The following RAP1A variants were observed in gnomAD, a reference collection of about 807,000 sequenced individuals.
RAP1A encodes the protein RAP1A, member of RAS oncogene family.
A neutral mutation model predicts 26.4 loss-of-function variants in RAP1A; 6 were observed. The observed-to-expected ratio is 0.23, with a 90% CI of 0.12 to 0.45. The LOEUF is 0.45. RAP1A is among the 20% of genes least tolerant of loss of function. The pLI, the probability that RAP1A is intolerant of heterozygous loss-of-function variation, is 0.99. For missense variants in RAP1A, 121 were observed against 217.2 expected, an observed-to-expected ratio of 0.56 and a Z score of 2.78; for synonymous variants, 73 against 79.4, an observed-to-expected ratio of 0.92 and a Z score of 0.43.
intron 1 of RAP1A, among the ~76,000 whole-genome samples, chr1:111,653,033 TAAAC>T (rs1222278142): frequency 3.3e-5 from 5 of 151,964 alleles, no homozygotes; most frequent in African/African-American, 4.8e-5. Flanking sequence ...AACTGATAAA[TAAAC>T]AAAATGTGAT....
intron 1 of RAP1A, among the ~76,000 whole-genome samples, chr1:111,678,833 G>T (rs1302459456): frequency 3.3e-5 from 5 of 150,874 alleles, no homozygotes; most frequent in African/African-American, 1.2e-4. Flanking sequence ...TAGCATTTTT[G>T]TATATTCCTT....
chr1:111,703,084 T>G (rs1662073187), intron 4 of RAP1A, among the ~76,000 whole-genome samples: 1 of 152,226 alleles, frequency 6.6e-6, no homozygotes, highest in Non-Finnish European at 1.5e-5. Flanking sequence ...AAAGATCTGT[T>G]TCTAAAAAAT....
chr1:111,686,116 G>A (rs1661468016), intron 1 of RAP1A, among the ~76,000 whole-genome samples: 1 of 148,268 alleles, frequency 6.7e-6, no homozygotes, highest in South Asian at 2.2e-4. Context: ...ACACGCCGGG[G>A]CCTGTCGGGG....
chr1:111,662,373 C>T (rs115862665), intron 1 of RAP1A, among the ~76,000 whole-genome samples: 1,255 of 121,380 alleles, frequency 0.01, 15 homozygotes, highest in African/African-American at 0.039. Flanking sequence ...CAGGCTTGGG[C>T]GAAAGAGCGA....
At chr1:111,696,494 C>G (rs1661831158) in intron 3 of RAP1A, among the ~76,000 whole-genome samples, 1 of 152,020 alleles carries the variant, frequency 6.6e-6, no homozygotes, top group Admixed American at 6.6e-5. Flanking sequence ...ACACTTGTCC[C>G]ATAAGTGGTG....
At chr1:111,583,341 A>T (rs1192121572) in intron 1 of RAP1A, among the ~76,000 whole-genome samples, 3 of 151,738 alleles carry the variant, frequency 2.0e-5, no homozygotes, top group Non-Finnish European at 4.4e-5. Context: ...GCAATAGTTC[A>T]CATCAGTAAT....
chr1:111,573,271 G>A (rs1000604978), intron 1 of RAP1A, among the ~76,000 whole-genome samples: 10 of 152,080 alleles, frequency 6.6e-5, no homozygotes, highest in Admixed American at 3.3e-4. Context: ...CTGAGTAATG[G>A]GACAAATGGT....
At chr1:111,687,213 T>C (rs34139427) in intron 1 of RAP1A, among the ~76,000 whole-genome samples, 17,122 of 150,088 alleles carry the variant, frequency 0.11, 1,216 homozygotes, top group East Asian at 0.2. Context: ...GTTGAATTTT[T>C]TTTTTTTTTT....
chr1:111,655,073 A>T (rs1010578864), intron 1 of RAP1A, among the ~76,000 whole-genome samples: 2 of 152,004 alleles, frequency 1.3e-5, no homozygotes, highest in African/African-American at 4.8e-5. Context: ...AAGTAGTTAT[A>T]GCAAAAGAGA....
intron 1 of RAP1A, among the ~76,000 whole-genome samples, chr1:111,566,116 G>A (rs1657912835): frequency 6.6e-6 from 1 of 152,114 alleles, no homozygotes; most frequent in Non-Finnish European, 1.5e-5. Context: ...AAGGGAATTT[G>A]AACTTCATTG....
chr1:111,684,870 G>A (rs555334539), intron 1 of RAP1A, among the ~76,000 whole-genome samples: 3 of 151,984 alleles, frequency 2.0e-5, no homozygotes, highest in Non-Finnish European at 2.9e-5. Context: ...TCACACTACC[G>A]GACTTCAAAC....
intron 1 of RAP1A, among the ~76,000 whole-genome samples, chr1:111,610,139 A>G (rs535444848): frequency 6.6e-6 from 1 of 152,310 alleles, no homozygotes; most frequent in East Asian, 1.9e-4. Context: ...TTAGAAAAAT[A>G]CTATATTCCT....
chr1:111,694,313 TTAG>T (rs1210400160), intron 2 of RAP1A, among the ~76,000 whole-genome samples: 1 of 152,200 alleles, frequency 6.6e-6, no homozygotes, highest in Non-Finnish European at 1.5e-5. Flanking sequence ...TAATAGAAGC[TTAG>T]TAGGAGAAAG....
intron 1 of RAP1A, among the ~76,000 whole-genome samples, chr1:111,566,135 A>G (rs1657913323): frequency 6.6e-6 from 1 of 152,170 alleles, no homozygotes; most frequent in African/African-American, 2.4e-5. Context: ...TGTGAGTATA[A>G]CAGGGAGCTA....
At chr1:111,581,540 A>G (rs1250520128) in intron 1 of RAP1A, among the ~76,000 whole-genome samples, 2 of 152,248 alleles carry the variant, frequency 1.3e-5, no homozygotes, top group African/African-American at 4.8e-5. Flanking sequence ...TTCTAAAGGA[A>G]GAAAAAACAG....
chr1:111,667,411 A>G (rs1466052420), intron 1 of RAP1A, among the ~76,000 whole-genome samples: 2 of 152,126 alleles, frequency 1.3e-5, no homozygotes, highest in Admixed American at 1.3e-4. Flanking sequence ...ATGGCTGGGC[A>G]TGGTGGCTCA....
At chr1:111,653,046 A>G (rs2101139813) in intron 1 of RAP1A, among the ~76,000 whole-genome samples, 1 of 152,326 alleles carries the variant, frequency 6.6e-6, no homozygotes. Context: ...ACAAAATGTG[A>G]TATAGCCATA....
At chr1:111,588,366 T>C (rs1467550211) in intron 1 of RAP1A, among the ~76,000 whole-genome samples, 1 of 152,242 alleles carries the variant, frequency 6.6e-6, no homozygotes, top group Non-Finnish European at 1.5e-5. Context: ...TGCTGCCACA[T>C]ACCACATTAC....
At chr1:111,579,896 T>C (rs1259351153) in intron 1 of RAP1A, among the ~76,000 whole-genome samples, 5 of 152,012 alleles carry the variant, frequency 3.3e-5, no homozygotes, top group African/African-American at 1.2e-4. Context: ...TGCAAGCGAG[T>C]CTCTTGCCTC....
Sources: gnomAD v4.1 joint callset for allele counts (sites outside exome capture counted in the v4.1 genomes callset) on GRCh38, gnomAD v4.1.1 for gene constraint, MANE v1.5 for transcripts, NCBI Gene and HGNC (gene_info 2026-07-23, HGNC 2026-07-21) for gene names.